SNX29: variants seen among roughly 807,000 people sequenced by gnomAD.
The protein encoded by SNX29 is sorting nexin 29, also known as sorting nexin-29.
Under a neutral mutation model 102.1 loss-of-function variants are expected in SNX29, and 78 were observed. The ratio of observed to expected loss-of-function variants is 0.76; its 90% CI spans 0.64 to 0.92. SNX29 has a LOEUF of 0.92. SNX29 is among the 40% of genes least tolerant of loss of function. The pLI, the probability that SNX29 is intolerant of heterozygous loss-of-function variation, is 0.00. For synonymous variants in SNX29, 580 were observed against 414.5 expected (o/e 1.40, Z -4.85); for missense variants, 1,280 against 1,061.7 (o/e 1.21, Z -2.86).
At chr16:12,270,410 C>T (rs2079055589) in intron 14 of SNX29, among the ~76,000 whole-genome samples, 1 of 152,110 alleles carries the variant, frequency 6.6e-6, no homozygotes, top group Non-Finnish European at 1.5e-5. Flanking sequence ...ATTGTGCTGC[C>T]TTCCTTAATA....
At chr16:12,422,035 A>G (rs1202806785) in intron 18 of SNX29, among the ~76,000 whole-genome samples, 1 of 152,056 alleles carries the variant, frequency 6.6e-6, no homozygotes, top group Non-Finnish European at 1.5e-5. Context: ...CCATAGCATC[A>G]TCACCTATCA....
chr16:12,544,233 A>C lies in SNX29; in HGVS notation c.2318+19392A>C, dbSNP rs75883870. 1.2e-3 allele frequency among the ~76,000 whole-genome samples: 184 copies of C among 152,308 alleles called. 4 individuals carry two copies. The East Asian group carries it at 0.029, about 24-fold the overall frequency. ...GTGACAGCCGGTTCCTCACCACACCAAGATTGAAACTAACTTACCCAGATT... is the reference window on the plus strand; with the variant it reads ...GTGACAGCCGGTTCCTCACCACACCCAGATTGAAACTAACTTACCCAGATT... On this transcript the variant is annotated intron_variant, in intron 20 of 20. Transcript: ENST00000566228.
chr16:12,302,230 C>CA (rs1007908101), intron 15 of SNX29, among the ~76,000 whole-genome samples: 4 of 152,152 alleles, frequency 2.6e-5, no homozygotes, highest in African/African-American at 9.7e-5. Flanking sequence ...TGAATATAAG[C>CA]AAATGGCTGT....
intron 3 of SNX29, among the ~76,000 whole-genome samples, chr16:12,012,473 G>T (rs886724274): frequency 6.6e-6 from 1 of 152,050 alleles, no homozygotes; most frequent in Non-Finnish European, 1.5e-5. Flanking sequence ...CAGTGGTGCA[G>T]TCTTGGCTCA....
intron 18 of SNX29, among the ~76,000 whole-genome samples, chr16:12,413,364 A>G (rs1263513074): frequency 6.6e-6 from 1 of 152,068 alleles, no homozygotes; most frequent in African/African-American, 2.4e-5. Context: ...GTGCTGGGGA[A>G]GAGACAGGTG....
intron 18 of SNX29, among the ~76,000 whole-genome samples, chr16:12,429,031 T>C (rs928132580): frequency 6.6e-6 from 1 of 152,216 alleles, no homozygotes; most frequent in Non-Finnish European, 1.5e-5. Flanking sequence ...GCAATTAATA[T>C]CTCCTAGTTA....
intron 20 of SNX29, among the ~76,000 whole-genome samples, chr16:12,540,352 C>T (rs1200930703): frequency 6.6e-6 from 1 of 152,126 alleles, no homozygotes; most frequent in African/African-American, 2.4e-5. Context: ...GAACGTTATC[C>T]CCTGTATTAA....
chr16:12,555,275 C>A (rs2078260069), intron 20 of SNX29, among the ~76,000 whole-genome samples: 1 of 151,330 alleles, frequency 6.6e-6, no homozygotes, highest in Non-Finnish European at 1.5e-5. Context: ...GGTATGACCT[C>A]CCAGAGAGCA....
chr16:12,186,945 G>A (rs1160581313), intron 13 of SNX29, among the ~76,000 whole-genome samples: 1 of 152,198 alleles, frequency 6.6e-6, no homozygotes, highest in Non-Finnish European at 1.5e-5. Context: ...GAGAGATGTA[G>A]CACTCAGTGG....
Position 12,554,015 on chromosome 16 carries a change from G to A in SNX29, c.2319-14491G>A, listed in dbSNP as rs562759165. On this transcript the variant is annotated intron_variant, in intron 20 of 20. Transcript: ENST00000566228. The stretch of plus-strand genomic sequence containing the variant: ...AATTTTTGTATTTTTAGTAGAGACA[G>A]CGTTTTAACCATGTTGCCCAGGCTG... 4.4e-4 allele frequency among the ~76,000 whole-genome samples: 67 copies of A among 152,274 alleles called. No individual in the cohort carries two copies. The South Asian group carries it at 0.013, about 31-fold the overall frequency.
chr16:12,139,673 C>G (rs1180329157), intron 13 of SNX29, among the ~76,000 whole-genome samples: 6 of 152,104 alleles, frequency 3.9e-5, no homozygotes, highest in Admixed American at 1.3e-4. Flanking sequence ...CTGGAAGCCC[C>G]TCAGCCATTC....
At chr16:12,084,309 C>G (rs958553861) in intron 11 of SNX29, among the ~76,000 whole-genome samples, 3 of 152,138 alleles carry the variant, frequency 2.0e-5, no homozygotes, top group Non-Finnish European at 4.4e-5. Flanking sequence ...CCACACCCAG[C>G]TAATTTTTGT....
chr16:12,534,999 CCAGACCTGGCCTGAGAAGCT>C (rs987348292), intron 20 of SNX29, among the ~76,000 whole-genome samples: 4 of 152,152 alleles, frequency 2.6e-5, no homozygotes, highest in Non-Finnish European at 4.4e-5. Flanking sequence ...GTTGAGAAGC[CCAGACCTGGCCTGAGAAGCT>C]GGCTCGTTGG....
intron 11 of SNX29, chr16:12,081,411 C>A (rs1424569738): frequency 5.9e-5 from 9 of 152,108 alleles, no homozygotes; most frequent in African/African-American, 1.7e-4. Context: ...TGAAACCAAA[C>A]AGCCACATCC....
At chr16:12,117,588 A>G (rs938814333) in intron 11 of SNX29, among the ~76,000 whole-genome samples, 9 of 152,226 alleles carry the variant, frequency 5.9e-5, no homozygotes, top group East Asian at 3.8e-4. Flanking sequence ...TAGAGACGCA[A>G]TGTGGATCAG....
chr16:12,021,919 C>T (rs2057036038), intron 3 of SNX29, among the ~76,000 whole-genome samples: 2 of 151,456 alleles, frequency 1.3e-5, no homozygotes, highest in African/African-American at 2.4e-5. Context: ...GGACAAAGCT[C>T]ATGAAAACAA....
chr16:12,562,448 C>G (rs143558959), intron 20 of SNX29, among the ~76,000 whole-genome samples: 2 of 152,314 alleles, frequency 1.3e-5, no homozygotes, highest in Non-Finnish European at 1.5e-5. Flanking sequence ...GCTAGTTTGA[C>G]TTTGATCCCC....
rs1182531256 is a variant in SNX29, at chr16:12,512,399, TATATATATATATATATATA to T, written c.2179-12302_2179-12284del. Among the ~76,000 whole-genome samples, 663 of 77,798 alleles carry T rather than the reference TATATATATATATATATATA, an allele frequency of 8.5e-3. 17 individuals are homozygous for T. The highest frequency in any genetic ancestry group is 0.03 in the African/African-American group (532 of 17,638). The allele number at this position is 77,798 out of a possible 152,430, so 51.0% of individuals were successfully genotyped here. A position where few individuals can be genotyped will look rare whatever the true frequency, so the allele number is the denominator to read the frequency against. ...ATATATATATATATATATATATATA[TATATATATATATATATATA>T]GTTTTCGGTTTTTGAGACAGGGTCT... On this transcript the variant is annotated intron_variant, in intron 19 of 20. Transcript: ENST00000566228.
chr16:12,148,018 T>C (rs2055138882), intron 13 of SNX29, among the ~76,000 whole-genome samples: 1 of 152,224 alleles, frequency 6.6e-6, no homozygotes, highest in Non-Finnish European at 1.5e-5. Flanking sequence ...CAGAGTTCGC[T>C]GAATTCGTAC....
Sources: allele counts gnomAD v4.1 joint callset (sites outside exome capture counted in the v4.1 genomes callset), GRCh38; gene constraint gnomAD v4.1.1; transcripts MANE v1.5; gene names NCBI Gene and HGNC (gene_info 2026-07-23, HGNC 2026-07-21).